The following HMBOX1 variants were observed in gnomAD, a reference collection of about 807,000 sequenced individuals.
The protein encoded by HMBOX1 is homeobox-containing protein 1.
A neutral mutation model predicts 54.5 loss-of-function variants in HMBOX1; 14 were observed. The ratio of observed to expected loss-of-function variants is 0.26; its 90% CI spans 0.17 to 0.40. HMBOX1 has a LOEUF of 0.40. Ranked by LOEUF, HMBOX1 falls within the 10% of genes least tolerant of loss-of-function variation. The probability of loss-of-function intolerance (pLI) is 1.00; values close to 1 mark genes in which losing one functional copy is unlikely to be tolerated. For missense variants in HMBOX1, 332 were observed against 514.4 expected (o/e 0.65, Z 3.43); for synonymous variants, 160 against 181.0 (o/e 0.88, Z 0.93).
chr8:29,031,983 G>A (rs149461071), intron 6 of HMBOX1, among the ~76,000 whole-genome samples: 10 of 152,330 alleles, frequency 6.6e-5, no homozygotes, highest in South Asian at 4.1e-4. Flanking sequence ...GGAGCACCAT[G>A]TGCAAAGGCA....
chr8:29,010,774 G>T (rs1386285098), intron 5 of HMBOX1, among the ~76,000 whole-genome samples: 1 of 151,948 alleles, frequency 6.6e-6, no homozygotes, highest in Non-Finnish European at 1.5e-5. Flanking sequence ...GCTATTAGAA[G>T]AATGTCTTTT....
At chr8:28,914,021 C>T (rs1816024324) in intron 1 of HMBOX1, among the ~76,000 whole-genome samples, 1 of 152,030 alleles carries the variant, frequency 6.6e-6, no homozygotes, top group African/African-American at 2.4e-5. Flanking sequence ...CAGGCATGTG[C>T]CACCACATCC....
At chr8:28,924,603 G>C (rs1294456133) in intron 1 of HMBOX1, 1 of 151,722 alleles carries the variant, frequency 6.6e-6, no homozygotes, top group Non-Finnish European at 1.5e-5. Flanking sequence ...GTTTTGAGGT[G>C]ATTCTTGTAT....
intron 1 of HMBOX1, among the ~76,000 whole-genome samples, chr8:28,937,863 C>T (rs1212552000): frequency 1.3e-5 from 2 of 151,258 alleles, no homozygotes; most frequent in South Asian, 2.2e-4. Context: ...TCATTTTTGT[C>T]CCTCTGTATA....
At chr8:29,019,437 G>A (rs6987955) in intron 6 of HMBOX1, among the ~76,000 whole-genome samples, 33 of 151,844 alleles carry the variant, frequency 2.2e-4, no homozygotes, top group African/African-American at 7.7e-4. Flanking sequence ...GAATTTGACC[G>A]TAGCTTCAAT....
intron 6 of HMBOX1, among the ~76,000 whole-genome samples, chr8:29,031,532 A>AT (rs199629952): frequency 0.11 from 15,720 of 146,250 alleles, 898 homozygotes; most frequent in South Asian, 0.24. Context: ...TTTTCTTGTC[A>AT]TTTTTTTTTT....
intron 1 of HMBOX1, among the ~76,000 whole-genome samples, chr8:28,918,413 C>T (rs1299459010): frequency 1.3e-5 from 2 of 151,852 alleles, no homozygotes; most frequent in Non-Finnish European, 1.5e-5. Flanking sequence ...CCGTGTTAGC[C>T]AGGATGGTCT....
intron 9 of HMBOX1, chr8:29,050,766 G>T: frequency 2.1e-6 from 1 of 471,752 alleles, no homozygotes. Flanking sequence ...TTAATAGAAT[G>T]AATAGAATTC....
At chr8:28,939,182 G>A (rs773998953) in intron 1 of HMBOX1, among the ~76,000 whole-genome samples, 1 of 151,810 alleles carries the variant, frequency 6.6e-6, no homozygotes, top group Admixed American at 6.6e-5. Flanking sequence ...CCAGCTACTC[G>A]GGAGGCTGAG....
intron 3 of HMBOX1, among the ~76,000 whole-genome samples, chr8:28,977,417 A>G (rs896822758): frequency 6.6e-6 from 1 of 152,206 alleles, no homozygotes; most frequent in Non-Finnish European, 1.5e-5. Flanking sequence ...GATTAATTTT[A>G]TAGTTATATT....
At chr8:28,910,252 C>A (rs532919340) in intron 1 of HMBOX1, among the ~76,000 whole-genome samples, 37 of 152,286 alleles carry the variant, frequency 2.4e-4, no homozygotes, top group Admixed American at 1.8e-3. Flanking sequence ...TATCAATATT[C>A]TGTTTTTTAT....
In HMBOX1 at chr8:29,013,423, C is replaced by T. The variant is rs549829634; in HGVS notation, c.697+4241C>T. Among the ~76,000 whole-genome samples the T allele has an allele frequency of 1.4e-4, 21 of 152,278 alleles. No individual in the cohort carries two copies. In the East Asian group the frequency reaches 3.1e-3, roughly 22 times the overall value. On this transcript the variant is annotated intron_variant, in intron 5 of 9. Transcript: ENST00000287701. The stretch of plus-strand genomic sequence containing the variant: ...TGCTGGGATTATAGGCATGAGCCAC[C>T]GCACCCAGCGGAAGTTCTTTTTTTC...
At chr8:29,028,459 G>A (rs998934839) in intron 6 of HMBOX1, among the ~76,000 whole-genome samples, 2 of 151,992 alleles carry the variant, frequency 1.3e-5, no homozygotes, top group East Asian at 3.9e-4. Context: ...TAATTTTCTT[G>A]GTTTTCACTG....
At chr8:28,998,679 T>C (rs1234040956) in intron 4 of HMBOX1, among the ~76,000 whole-genome samples, 1 of 152,084 alleles carries the variant, frequency 6.6e-6, no homozygotes, top group African/African-American at 2.4e-5. Flanking sequence ...CATTTTGCCA[T>C]TTGTTTTCTA....
chr8:28,900,700 A>G (rs1001230867), intron 1 of HMBOX1, among the ~76,000 whole-genome samples: 3 of 152,132 alleles, frequency 2.0e-5, no homozygotes, highest in Non-Finnish European at 4.4e-5. Context: ...ATTTTTGTAT[A>G]TGAACTCTTA....
intron 1 of HMBOX1, among the ~76,000 whole-genome samples, chr8:28,933,921 A>T (rs959863170): frequency 6.6e-6 from 1 of 152,258 alleles, no homozygotes; most frequent in Admixed American, 6.5e-5. Flanking sequence ...TGCCAATTTC[A>T]TATAAACTCT....
chr8:29,034,541 T>C (rs955954775), intron 6 of HMBOX1, among the ~76,000 whole-genome samples: 1 of 152,194 alleles, frequency 6.6e-6, no homozygotes, highest in Non-Finnish European at 1.5e-5. Context: ...TCAAATGTTA[T>C]CAGAATTAAT....
chr8:28,905,493 G>C (rs1814154546), intron 1 of HMBOX1, among the ~76,000 whole-genome samples: 1 of 152,228 alleles, frequency 6.6e-6, no homozygotes, highest in Non-Finnish European at 1.5e-5. Context: ...GGAGGACAGT[G>C]ATGATGCCAG....
At chr8:28,892,014 C>T (rs548805613) in intron 1 of HMBOX1, among the ~76,000 whole-genome samples, 20 of 152,236 alleles carry the variant, frequency 1.3e-4, no homozygotes, top group African/African-American at 4.1e-4. Flanking sequence ...TCCTTCCTTC[C>T]TTAAGTCCTT....
Sources: allele counts gnomAD v4.1 joint callset (sites outside exome capture counted in the v4.1 genomes callset), GRCh38; gene constraint gnomAD v4.1.1; transcripts MANE v1.5; gene names NCBI Gene and HGNC (gene_info 2026-07-23, HGNC 2026-07-21).